The following ERBB4 variants were observed in gnomAD, a reference collection of about 807,000 sequenced individuals.
The protein encoded by ERBB4 is erb-b2 receptor tyrosine kinase 4, also known as receptor tyrosine-protein kinase erbB-4.
Under a neutral mutation model 158.0 loss-of-function variants are expected in ERBB4, and 42 were observed. The observed-to-expected ratio is 0.27, with a 90% confidence interval of 0.21 to 0.34. The LOEUF (loss-of-function observed/expected upper bound fraction) is 0.34, where lower values mean the gene tolerates loss of function less well. ERBB4 is among the 10% of genes least tolerant of loss of function. The probability of loss-of-function intolerance (pLI) is 1.00; values close to 1 mark genes in which losing one functional copy is unlikely to be tolerated. For synonymous variants in ERBB4, 583 were observed against 558.7 expected (o/e 1.04, Z -0.61); for missense variants, 1,333 against 1,624.1 (o/e 0.82, Z 3.08).
intron 20 of ERBB4, among the ~76,000 whole-genome samples, chr2:211,543,195 C>T (rs535102643): frequency 3.9e-5 from 6 of 151,934 alleles, no homozygotes; most frequent in South Asian, 2.1e-4. Flanking sequence ...TTCGCACTCA[C>T]CAGTAGGAAA....
chr2:212,524,094 C>T (rs967470649), intron 1 of ERBB4, among the ~76,000 whole-genome samples: 1 of 151,952 alleles, frequency 6.6e-6, no homozygotes, highest in African/African-American at 2.4e-5. Flanking sequence ...CCATGCCTGG[C>T]ATCTCCTTAT....
At chr2:211,464,326 C>T (rs761841901) in intron 20 of ERBB4, among the ~76,000 whole-genome samples, 29 of 152,164 alleles carry the variant, frequency 1.9e-4, no homozygotes, top group Non-Finnish European at 3.1e-4. Context: ...TGAGGCACTG[C>T]GTAGAGTTAT....
At chr2:211,600,860 A>G (rs2068778634) in intron 19 of ERBB4, among the ~76,000 whole-genome samples, 1 of 152,154 alleles carries the variant, frequency 6.6e-6, no homozygotes, top group Non-Finnish European at 1.5e-5. Flanking sequence ...TTAGCAGCAG[A>G]CAAACTGACA....
chr2:211,714,079 A>T (rs977817317), intron 7 of ERBB4, among the ~76,000 whole-genome samples: 1 of 152,216 alleles, frequency 6.6e-6, no homozygotes, highest in South Asian at 2.1e-4. Flanking sequence ...TCCAGGAGAA[A>T]ATGCTCAAAA....
At chr2:211,513,587 G>A (rs920296551) in intron 20 of ERBB4, among the ~76,000 whole-genome samples, 1 of 151,980 alleles carries the variant, frequency 6.6e-6, no homozygotes, top group Admixed American at 6.6e-5. Flanking sequence ...AGGTGTAATA[G>A]CATTAAGCTT....
intron 1 of ERBB4, among the ~76,000 whole-genome samples, chr2:212,430,843 A>C (rs1473131858): frequency 6.6e-6 from 1 of 152,078 alleles, no homozygotes; most frequent in Non-Finnish European, 1.5e-5. Flanking sequence ...GGATGGGGGA[A>C]GCAAGAGAGA....
In ERBB4 at chr2:211,917,378, G is replaced by C. The variant is rs577084557; in HGVS notation, c.421+30052C>G. On this transcript the variant is annotated intron_variant, in intron 3 of 27. Coordinates refer to ENST00000342788, the MANE Select transcript of ERBB4 (RefSeq NM_005235.3). ...GCTACACAGTGGAGATGGGTACAGG[G>C]TGGGGAGAAATACTATCTCATATAG... is the stretch of plus-strand genomic sequence containing the variant. 4.6e-5 allele frequency among the ~76,000 whole-genome samples: 7 copies of C among 152,284 alleles called. No homozygotes were observed. In the East Asian group the frequency reaches 9.7e-4, roughly 21 times the overall value.
At chr2:212,226,413 G>GGA (rs991683150) in intron 1 of ERBB4, among the ~76,000 whole-genome samples, 1 of 151,404 alleles carries the variant, frequency 6.6e-6, no homozygotes, top group Non-Finnish European at 1.5e-5. Context: ...AAAGACATGG[G>GGA]GGGGGGTTTG....
intron 20 of ERBB4, among the ~76,000 whole-genome samples, chr2:211,458,692 C>T (rs953984763): frequency 2.0e-5 from 3 of 152,204 alleles, no homozygotes; most frequent in Non-Finnish European, 4.4e-5. Flanking sequence ...TTCTTGATAT[C>T]GTACTCCATT....
At chr2:211,950,944 C>T (rs989025484) in intron 2 of ERBB4, among the ~76,000 whole-genome samples, 1 of 152,122 alleles carries the variant, frequency 6.6e-6, no homozygotes, top group Non-Finnish European at 1.5e-5. Flanking sequence ...CCTCTTTGAG[C>T]TCTTAAAGAG....
intron 11 of ERBB4, among the ~76,000 whole-genome samples, chr2:211,703,226 A>G (rs576131044): frequency 1.3e-5 from 2 of 152,150 alleles, no homozygotes; most frequent in South Asian, 4.1e-4. Flanking sequence ...GTTGATTACA[A>G]TGTTAGCACA....
intron 1 of ERBB4, among the ~76,000 whole-genome samples, chr2:212,297,303 C>T (rs560655176): frequency 9.9e-5 from 15 of 152,066 alleles, no homozygotes; most frequent in African/African-American, 3.1e-4. Flanking sequence ...TGCACAAAAA[C>T]CACTTCATTG....
At chr2:211,808,764 T>G (rs534433340) in intron 3 of ERBB4, among the ~76,000 whole-genome samples, 45 of 152,232 alleles carry the variant, frequency 3.0e-4, no homozygotes, top group African/African-American at 9.9e-4. Flanking sequence ...CCATGAGCAT[T>G]GATTGTTCTT....
intron 1 of ERBB4, among the ~76,000 whole-genome samples, chr2:212,506,649 G>C (rs1035291088): frequency 2.0e-5 from 3 of 152,048 alleles, no homozygotes; most frequent in Non-Finnish European, 4.4e-5. Flanking sequence ...CCCAGAGAAA[G>C]GCCCCAAGCC....
At chr2:211,673,541 A>G (rs1400240023) in intron 13 of ERBB4, among the ~76,000 whole-genome samples, 3 of 150,932 alleles carry the variant, frequency 2.0e-5, no homozygotes, top group Non-Finnish European at 3.0e-5. Flanking sequence ...GCTACAAAGT[A>G]TAACTCTTCT....
At chr2:211,401,390 A>G (rs2063039261) in intron 25 of ERBB4, among the ~76,000 whole-genome samples, 1 of 151,954 alleles carries the variant, frequency 6.6e-6, no homozygotes, top group South Asian at 2.1e-4. Context: ...TTTTTTTTTA[A>G]TCACTTCTAC....
At chr2:211,861,462 C>T (rs1173783001) in intron 3 of ERBB4, among the ~76,000 whole-genome samples, 1 of 149,302 alleles carries the variant, frequency 6.7e-6, no homozygotes, top group Non-Finnish European at 1.5e-5. Flanking sequence ...TTCAGCCTCT[C>T]GAAGTGCTAG....
At chr2:212,019,270 A>G (rs1244880854) in intron 2 of ERBB4, among the ~76,000 whole-genome samples, 7 of 152,216 alleles carry the variant, frequency 4.6e-5, no homozygotes, top group Non-Finnish European at 1.0e-4. Context: ...TTATATAGCC[A>G]TCTTTAAACA....
chr2:211,437,473 A>T (rs1231453151), intron 20 of ERBB4, among the ~76,000 whole-genome samples: 1 of 152,298 alleles, frequency 6.6e-6, no homozygotes, highest in Non-Finnish European at 1.5e-5. Context: ...CCTAGCCATG[A>T]CCTTCTTTTC....
Sources: gnomAD v4.1 joint callset for allele counts (sites outside exome capture counted in the v4.1 genomes callset) on GRCh38, gnomAD v4.1.1 for gene constraint, MANE v1.5 for transcripts, NCBI Gene and HGNC (gene_info 2026-07-23, HGNC 2026-07-21) for gene names.